USP9X: variants seen among roughly 807,000 people sequenced by gnomAD.
USP9X encodes ubiquitin carboxyl-terminal hydrolase 9X.
Under a neutral mutation model 190.3 loss-of-function variants are expected in USP9X, and 7 were observed. That is an observed-to-expected ratio of 0.04 (90% CI 0.02 to 0.07). The LOEUF is 0.07. Among genes scored for constraint, USP9X ranks in the 10% least tolerant of loss-of-function variants. The pLI, the probability that USP9X is intolerant of heterozygous loss-of-function variation, is 1.00. For synonymous variants in USP9X, 645 were observed against 659.5 expected (o/e 0.98, Z 0.34); for missense variants, 1,010 against 1,916.9 (o/e 0.53, Z 8.83).
At chrX:41,087,080 T>TA (rs2061919115) in intron 1 of USP9X, among the ~76,000 whole-genome samples, 1 of 112,692 alleles carries the variant, frequency 8.9e-6, no homozygotes, top group Non-Finnish European at 1.9e-5. Flanking sequence ...GTTCCATAGT[T>TA]ACAACGTTAA....
At chrX:41,231,819 C>T (rs1438642806) in intron 44 of USP9X, among the ~76,000 whole-genome samples, 1 of 110,458 alleles carries the variant, frequency 9.1e-6, no homozygotes, top group Non-Finnish European at 1.9e-5. Context: ...AGGGTTCAGA[C>T]ATTTTAAAAG....
intron 21 of USP9X, 146 bp from the exon 22 acceptor site, chrX:41,183,852 G>T: frequency 1.5e-6 from 1 of 664,497 alleles, no homozygotes. Context: ...AATCATTCCA[G>T]GTCTTGTCAT....
In USP9X at chrX:41,188,110, A is replaced by G. The variant is rs1356831786; in HGVS notation, c.3803A>G (p.Tyr1268Cys). 10 of 1,207,167 alleles carry G rather than the reference A, an allele frequency of 8.3e-6. No homozygotes were observed. In the Middle Eastern group the frequency reaches 1.4e-3, roughly 168 times the overall value. ...FSPNEEITKI[Y>C]EKTNAGNEPD... ...CCAAATGAAGAAATCACTAAAATTT[A>G]TGAGAAGGTAAGAATTATCACAGAA... is the stretch of plus-strand genomic sequence containing the variant. Residue 1268 changes from tyrosine (Y) to cysteine (C), a missense_variant, in exon 25 of 45, where the codon TAT becomes TGT. Tyr to Cys is a radical substitution (Grantham distance 194). This residue lies in a region of USP9X where 351 missense variants were observed against 480.8 expected (regional missense o/e 0.73). Transcript: ENST00000378308.
At chrX:41,125,684 A>ACACACACACACACACTCTCT in intron 2 of USP9X, among the ~76,000 whole-genome samples, 54 of 19,011 alleles carry the variant, frequency 2.8e-3, no homozygotes, top group South Asian at 7.5e-3. Context: ...ACACACACAC[A>ACACACACACACACACTCTCT]CTCTCTCTCT....
chrX:41,128,979 A>G, intron 2 of USP9X, 21 bp from the exon 3 acceptor site: 1 of 1,200,197 alleles, frequency 8.3e-7, no homozygotes, highest in Non-Finnish European at 1.1e-6. Flanking sequence ...TTAAATGTGG[A>G]ATGTTTAATT....
intron 21 of USP9X, 89 bp from the exon 22 acceptor site, chrX:41,183,909 C>A: frequency 9.8e-7 from 1 of 1,025,599 alleles, no homozygotes. Flanking sequence ...GATTGTTATT[C>A]CATATTAGTA....
chrX:41,187,892 A>G, intron 24 of USP9X, 100 bp from the exon 25 acceptor site: 1 of 850,104 alleles, frequency 1.2e-6, no homozygotes, highest in Non-Finnish European at 1.6e-6. Flanking sequence ...GGTACTACAC[A>G]GTAATTCCTA....
chrX:41,141,541 A>T (rs939698193), intron 9 of USP9X, 110 bp downstream of exon 9: 4 of 792,084 alleles, frequency 5.0e-6, no homozygotes, highest in Non-Finnish European at 6.6e-6. Context: ...GTAAACTGAA[A>T]TTGGGAGGTG....
chrX:41,145,424 G>C (rs765774374), intron 11 of USP9X, among the ~76,000 whole-genome samples: 1 of 111,771 alleles, frequency 8.9e-6, no homozygotes, highest in African/African-American at 3.2e-5. Context: ...CTTGTTAGCA[G>C]AATTACTTGT....
intron 44 of USP9X, among the ~76,000 whole-genome samples, chrX:41,231,006 G>GT (rs1169536861): frequency 8.9e-6 from 1 of 111,800 alleles, no homozygotes; most frequent in Non-Finnish European, 1.9e-5. Flanking sequence ...TTCAGTGATG[G>GT]TAAAAATCAC....
intron 18 of USP9X, among the ~76,000 whole-genome samples, chrX:41,168,585 C>G (rs764173662): frequency 1.8e-5 from 2 of 112,430 alleles, no homozygotes; most frequent in Non-Finnish European, 3.8e-5. Context: ...TGGCTCACTG[C>G]GGGCTCAAGC....
intron 11 of USP9X, among the ~76,000 whole-genome samples, chrX:41,148,125 T>C (rs2062487316): frequency 8.9e-6 from 1 of 111,995 alleles, no homozygotes. Context: ...TAAAAAAATG[T>C]ATTTTAGAGT....
intron 14 of USP9X, among the ~76,000 whole-genome samples, chrX:41,159,755 C>T (rs2062612524): frequency 9.0e-6 from 1 of 111,001 alleles, no homozygotes; most frequent in African/African-American, 3.3e-5. Context: ...AACTCCTGCC[C>T]TCAGATGATC....
In USP9X at chrX:41,198,601, C is replaced by A. The variant is rs761665150; in HGVS notation, c.4454C>A (p.Ala1485Asp). 8.3e-7 allele frequency: 1 copy of A among 1,211,544 alleles called. No individual in the cohort carries two copies. The highest frequency in any genetic ancestry group is 1.1e-6 in the Non-Finnish European group (1 of 895,276). Residue 1485 changes from alanine (A) to aspartate (D), a missense_variant, in exon 30 of 45, where the codon GCT (alanine) becomes GAT (aspartate). Ala to Asp is a moderately radical substitution (Grantham distance 126). Around this residue, in one of 11 missense-constraint regions of USP9X, gnomAD observed 351 missense variants for 480.8 expected, o/e 0.73. Coordinates refer to ENST00000378308, the MANE Select transcript of USP9X (RefSeq NM_001039591.3). Reference protein sequence around the residue: ...LQYMRNGELPAEQAIPVCGSP... With the variant: ...LQYMRNGELPDEQAIPVCGSP... Reference sequence around the variant, plus strand: ...TATATGAGAAATGGAGAGCTTCCAGCTGAACAGGCTATTCCGGTCTGTGGT... The same window carrying A: ...TATATGAGAAATGGAGAGCTTCCAGATGAACAGGCTATTCCGGTCTGTGGT...
intron 24 of USP9X, 86 bp from the exon 25 acceptor site, chrX:41,187,906 C>A: frequency 3.1e-6 from 3 of 962,376 alleles, no homozygotes; most frequent in Non-Finnish European, 4.2e-6. Context: ...ATTCCTATTT[C>A]CTTTACAAAG....
intron 30 of USP9X, among the ~76,000 whole-genome samples, chrX:41,199,239 GACC>G (rs1289113553): frequency 1.8e-5 from 2 of 111,267 alleles, no homozygotes; most frequent in Non-Finnish European, 3.8e-5. Flanking sequence ...ATTATAAGCA[GACC>G]ACCTTGTATA....
chrX:41,229,088 C>A (rs2063339598), intron 41 of USP9X, 165 bp from the exon 42 acceptor site: 1 of 363,900 alleles, frequency 2.7e-6, no homozygotes, highest in Non-Finnish European at 4.4e-6. Flanking sequence ...CAGGCCGTCT[C>A]AAAAAAAATA....
chrX:41,125,684 A>ACACACACACACCCTCTCTCTCTCTCT, intron 2 of USP9X, among the ~76,000 whole-genome samples: 1 of 19,029 alleles, frequency 5.3e-5, no homozygotes, highest in Non-Finnish European at 9.0e-5. Flanking sequence ...ACACACACAC[A>ACACACACACACCCTCTCTCTCTCTCT]CTCTCTCTCT....
At chrX:41,168,491 G>A (rs2062696780) in intron 18 of USP9X, among the ~76,000 whole-genome samples, 1 of 111,760 alleles carries the variant, frequency 8.9e-6, no homozygotes, top group Admixed American at 9.5e-5. Context: ...GTGGCATTTT[G>A]CAGTTGAAGT....
Sources: allele counts gnomAD v4.1 joint callset (sites outside exome capture counted in the v4.1 genomes callset), GRCh38; gene constraint gnomAD v4.1.1; regional missense constraint gnomAD v4.1.1; transcripts MANE v1.5; gene names NCBI Gene and HGNC (gene_info 2026-07-23, HGNC 2026-07-21).